Variants in GSE1 observed in about 807,000 individuals in gnomAD.
GSE1 encodes the protein Gse1 coiled-coil protein.
A neutral mutation model predicts 112.6 loss-of-function variants in GSE1; 32 were observed. The observed-to-expected ratio is 0.28, with a 90% CI of 0.21 to 0.38. The LOEUF (loss-of-function observed/expected upper bound fraction) is 0.38. Among genes scored for constraint, GSE1 ranks in the 10% least tolerant of loss-of-function variants. GSE1 has a pLI of 1.00. For synonymous variants in GSE1, 1,115 were observed against 735.6 expected, an observed-to-expected ratio of 1.52 and a Z score of -8.35; for missense variants, 2,348 against 1,699.2, an observed-to-expected ratio of 1.38 and a Z score of -6.71.
At chr16:85,385,424 A>AG (rs1273561126) in intron 2 of GSE1, among the ~76,000 whole-genome samples, 2 of 152,164 alleles carry the variant, frequency 1.3e-5, no homozygotes, top group East Asian at 3.9e-4. Flanking sequence ...CTGGACAGAG[A>AG]CTCAAAGCCA....
chr16:85,377,499 C>A (rs1051948198), intron 2 of GSE1, among the ~76,000 whole-genome samples: 7 of 152,206 alleles, frequency 4.6e-5, no homozygotes, highest in African/African-American at 1.7e-4. Context: ...TGTGCCTTAG[C>A]TGTCTATCTG....
chr16:85,345,616 T>C (rs534610455), intron 1 of GSE1, among the ~76,000 whole-genome samples: 6 of 152,160 alleles, frequency 3.9e-5, no homozygotes, highest in Non-Finnish European at 7.3e-5. Flanking sequence ...CATCCGTTAC[T>C]TTCTCCACCC....
intron 12 of GSE1, 48 bp downstream of exon 12, chr16:85,665,176 G>C: frequency 8.8e-7 from 1 of 1,130,174 alleles, no homozygotes; most frequent in Non-Finnish European, 1.3e-6. Context: ...CCATCCCATG[G>C]GCTGCCCAGG....
chr16:85,380,515 C>CT (rs1182985656), intron 2 of GSE1, among the ~76,000 whole-genome samples: 1 of 151,710 alleles, frequency 6.6e-6, no homozygotes, highest in Non-Finnish European at 1.5e-5. Flanking sequence ...GGACACCCCC[C>CT]CTCCACCCGC....
At chr16:85,504,257 G>A (rs1165205718) in intron 2 of GSE1, among the ~76,000 whole-genome samples, 2 of 152,260 alleles carry the variant, frequency 1.3e-5, no homozygotes, top group Non-Finnish European at 2.9e-5. Context: ...CACGATGTAA[G>A]ATGGGCACTT....
intron 2 of GSE1, among the ~76,000 whole-genome samples, chr16:85,380,979 T>G (rs1356421008): frequency 6.6e-6 from 1 of 152,244 alleles, no homozygotes; most frequent in Middle Eastern, 3.2e-3. Flanking sequence ...CAAAATTAAC[T>G]GGAAGCAAAC....
In GSE1 at chr16:85,497,244, A is replaced by T. The variant is rs116342369; in HGVS notation, c.2465-136670A>T. Among the ~76,000 whole-genome samples the T allele has an allele frequency of 2.0e-3, 306 of 152,210 alleles. 3 individuals carry two copies. The highest frequency in any genetic ancestry group is 7.0e-3 in the African/African-American group (289 of 41,538). On this transcript the variant is annotated intron_variant, in intron 2 of 2. Coordinates refer to the GSE1 transcript ENST00000637419. ...CCCACTGAAGCTGCTGGGTCTCCTG[A>T]AGGCGGAGTGGGTGGGCGCACCTCT...
rs566377846 is a variant in GSE1, at chr16:85,243,409, C to A, written c.2283+71602C>A. Among the ~76,000 whole-genome samples the A allele has an allele frequency of 4.9e-4, 74 of 152,258 alleles. 1 individual carries two copies. Among genetic ancestry groups the A allele is most frequent in the Non-Finnish European group, 6.3e-4 (43 of 68,052 alleles). On this transcript the variant is annotated intron_variant, in intron 1 of 2. Coordinates refer to the GSE1 transcript ENST00000637419. Reference sequence around the variant, plus strand: ...CTTACCCCAAACGGGGACACACACTCCTTTGCTCACAGTTTTGCTGCTGAA... The same window carrying A: ...CTTACCCCAAACGGGGACACACACTACTTTGCTCACAGTTTTGCTGCTGAA...
chr16:85,251,387 G>A (rs779975661), intron 1 of GSE1, among the ~76,000 whole-genome samples: 10 of 152,276 alleles, frequency 6.6e-5, no homozygotes, highest in South Asian at 4.1e-4. Flanking sequence ...AGGAAGCGCC[G>A]GGTGAGTGGG....
chr16:85,298,516 C>T (rs1286797207), intron 1 of GSE1, among the ~76,000 whole-genome samples: 1 of 152,208 alleles, frequency 6.6e-6, no homozygotes, highest in Non-Finnish European at 1.5e-5. Context: ...CAGCCTCCAC[C>T]TCCTGGGTTC....
chr16:85,421,367 G>A (rs1307528060), intron 2 of GSE1, among the ~76,000 whole-genome samples: 3 of 152,066 alleles, frequency 2.0e-5, no homozygotes, highest in Admixed American at 6.6e-5. Flanking sequence ...CACACCCTCT[G>A]GACACTCAGC....
At chr16:85,253,069 A>AACC in intron 1 of GSE1, among the ~76,000 whole-genome samples, 1 of 57,838 alleles carries the variant, frequency 1.7e-5, no homozygotes, top group Admixed American at 2.2e-4. Context: ...CCCCCCCCCC[A>AACC]CCCCCCCCCC....
chr16:85,227,807 A>G (rs1403015864), intron 1 of GSE1, among the ~76,000 whole-genome samples: 1 of 152,220 alleles, frequency 6.6e-6, no homozygotes, highest in Non-Finnish European at 1.5e-5. Flanking sequence ...TGATTCATTC[A>G]TTCCCTCACT....
At chr16:85,171,538 G>A (rs1160597488) in exon 1 of GSE1, 3 of 985,536 alleles carry the variant, frequency 3.0e-6, no homozygotes, top group Non-Finnish European at 3.6e-6. Context: ...CGCTGTCAGC[G>A]CCTGGTCCCG....
intron 1 of GSE1, among the ~76,000 whole-genome samples, chr16:85,189,247 A>C (rs1368465151): frequency 2.0e-5 from 3 of 152,136 alleles, no homozygotes; most frequent in African/African-American, 7.2e-5. Context: ...CATTTTTGAC[A>C]TTTGATAATA....
chr16:85,239,758 T>A (rs1905024909), intron 1 of GSE1, among the ~76,000 whole-genome samples: 1 of 152,224 alleles, frequency 6.6e-6, no homozygotes, highest in Admixed American at 6.5e-5. Flanking sequence ...GGGGCTGTGA[T>A]TCTGCCATAT....
chr16:85,260,197 C>T (rs1427113568), intron 1 of GSE1, among the ~76,000 whole-genome samples: 1 of 152,202 alleles, frequency 6.6e-6, no homozygotes, highest in East Asian at 1.9e-4. Flanking sequence ...TCCCATGGTA[C>T]CTGGACACCT....
intron 2 of GSE1, among the ~76,000 whole-genome samples, chr16:85,396,050 G>A (rs1386842608): frequency 6.6e-6 from 1 of 152,220 alleles, no homozygotes; most frequent in Non-Finnish European, 1.5e-5. Flanking sequence ...ACCTTCTCTT[G>A]GATATGAACA....
chr16:85,388,250 GAAT>G (rs2047738182), intron 2 of GSE1, among the ~76,000 whole-genome samples: 2 of 148,108 alleles, frequency 1.4e-5, no homozygotes, highest in Non-Finnish European at 3.0e-5. Flanking sequence ...ATGGATGGAT[GAAT>G]GGATGTATGG....
Sources: gnomAD v4.1 joint callset for allele counts (sites outside exome capture counted in the v4.1 genomes callset) on GRCh38, gnomAD v4.1.1 for gene constraint, MANE v1.5 for transcripts, NCBI Gene and HGNC (gene_info 2026-07-23, HGNC 2026-07-21) for gene names.